AMZ1: variants seen among roughly 807,000 people sequenced by gnomAD.
AMZ1 encodes archaemetzincin-1.
In AMZ1, 39 loss-of-function variants were observed where a neutral mutation model predicts 29.9. The observed-to-expected ratio is 1.30, with a 90% CI of 1.01 to 1.70. AMZ1 has a LOEUF of 1.70. Ranked by LOEUF, AMZ1 falls within the 40% of genes most tolerant of loss-of-function variation. The pLI, the probability that AMZ1 is intolerant of heterozygous loss-of-function variation, is 0.00. For synonymous variants in AMZ1, 458 were observed against 304.0 expected (o/e 1.51, Z -5.27); for missense variants, 1,041 against 680.6 (o/e 1.53, Z -5.89).
intron 1 of AMZ1, among the ~76,000 whole-genome samples, chr7:2,690,540 G>A (rs1205607394): frequency 3.3e-5 from 5 of 152,158 alleles, no homozygotes; most frequent in East Asian, 3.8e-4. Flanking sequence ...TGGAGCTGGC[G>A]TGGCCACTCC....
chr7:2,730,956 C>T (rs1167918217), intron 4 of AMZ1: 2 of 526,718 alleles, frequency 3.8e-6, no homozygotes, highest in East Asian at 5.9e-5. Flanking sequence ...CTCGGATTTT[C>T]AGTAGTTTCA....
At chr7:2,708,411 T>A (rs1404757467) in intron 3 of AMZ1, among the ~76,000 whole-genome samples, 177 bp from the exon 4 acceptor site, 4 of 152,154 alleles carry the variant, frequency 2.6e-5, no homozygotes, top group Non-Finnish European at 5.9e-5. Context: ...TGGCTGTCAC[T>A]CCACATCATG....
At position 2,751,964 on chromosome 7, in the gene AMZ1, A is replaced by T. The variant is rs147773492; in HGVS notation, n.551-12748A>T. On this transcript the variant is annotated intron_variant and non_coding_transcript_variant, in intron 4 of 4. Transcript: ENST00000489665. ...ACTAACGAACGTGAACTTTTTCAGAAAATCAAAGAGGAAGAAATAATTTCC... is the reference window on the plus strand; with the variant it reads ...ACTAACGAACGTGAACTTTTTCAGATAATCAAAGAGGAAGAAATAATTTCC... Among the ~76,000 whole-genome samples, 968 of 152,328 alleles carry T rather than the reference A, an allele frequency of 6.4e-3. 6 individuals carry two copies. Among genetic ancestry groups the T allele is most frequent in the African/African-American group, 0.022 (929 of 41,568 alleles).
intron 4 of AMZ1, among the ~76,000 whole-genome samples, chr7:2,727,926 G>A (rs1211370684): frequency 4.6e-5 from 7 of 151,094 alleles, no homozygotes; most frequent in South Asian, 2.1e-4. Flanking sequence ...GTGTGGTGGC[G>A]GGCGCCTGTA....
At position 2,737,434 on chromosome 7, in the gene AMZ1, G is replaced by A. The variant is rs150183093; in HGVS notation, n.551-27278G>A. ...CTACAGAGTAGTTGGGACTACAGGCGTGCACTACCACACCCGGCTAACTTT... is the reference window on the plus strand; with the variant it reads ...CTACAGAGTAGTTGGGACTACAGGCATGCACTACCACACCCGGCTAACTTT... On this transcript the variant is annotated intron_variant and non_coding_transcript_variant, in intron 4 of 4. Transcript: ENST00000489665. Among the ~76,000 whole-genome samples the A allele has an allele frequency of 4.8e-3, 726 of 151,912 alleles. 7 individuals carry two copies. Among genetic ancestry groups the A allele is most frequent in the African/African-American group, 0.016 (674 of 41,408 alleles).
In AMZ1 at chr7:2,700,346, C is replaced by A; in HGVS notation, c.-106C>A. ...CTGCAGGGAGCCCCCGGTAGCCACT[C>A]GGATCAGCCCGAGGGAAGATTCTGG... is the stretch of plus-strand genomic sequence containing the variant. On this transcript the variant is annotated 5_prime_UTR_variant, in exon 2 of 7. An upstream open reading frame in the 5' UTR gains an earlier in-frame stop. Coordinates refer to ENST00000683327, the MANE Select transcript of AMZ1 (RefSeq NM_001384743.1). 7.4e-7 allele frequency: 1 copy of A among 1,352,592 alleles called. No homozygotes were observed. The highest frequency in any genetic ancestry group is 9.9e-7 in the Non-Finnish European group (1 of 1,006,120). The allele number at this position is 1,352,592 out of a possible 1,614,324, so 83.8% of individuals were successfully genotyped here. A position where few individuals can be genotyped will look rare whatever the true frequency, so the allele number is the denominator to read the frequency against.
downstream of AMZ1, among the ~76,000 whole-genome samples, chr7:2,723,779 C>A (rs985578298): frequency 3.3e-5 from 5 of 152,236 alleles, no homozygotes; most frequent in African/African-American, 4.8e-5. Flanking sequence ...ACTCCCTCTG[C>A]GCCTGGAGCT....
At chr7:2,744,628 G>A (rs1400416324) in intron 4 of AMZ1, among the ~76,000 whole-genome samples, 1 of 152,162 alleles carries the variant, frequency 6.6e-6, no homozygotes, top group African/African-American at 2.4e-5. Flanking sequence ...TCCTCCAAAG[G>A]AACGCAGCTC....
At chr7:2,720,879 A>T (rs937397122), downstream of AMZ1, among the ~76,000 whole-genome samples, 1 of 151,640 alleles carries the variant, frequency 6.6e-6, no homozygotes, top group African/African-American at 2.4e-5. Flanking sequence ...GGTTTCAGCC[A>T]CGTTGCCCAG....
intron 4 of AMZ1, among the ~76,000 whole-genome samples, chr7:2,736,100 A>T (rs1188845841): frequency 6.6e-6 from 1 of 152,204 alleles, no homozygotes; most frequent in Non-Finnish European, 1.5e-5. Context: ...TAAAAGGGCC[A>T]GGTTTACAAT....
intron 1 of AMZ1, among the ~76,000 whole-genome samples, chr7:2,693,238 G>A (rs1024452820): frequency 7.2e-5 from 11 of 152,050 alleles, no homozygotes; most frequent in African/African-American, 1.9e-4. Context: ...ACAGGCATGC[G>A]CCACCACGCC....
At chr7:2,729,961 C>CGAGA (rs1176078702) in intron 4 of AMZ1, 2 of 152,348 alleles carry the variant, frequency 1.3e-5, no homozygotes, top group Admixed American at 1.3e-4. Context: ...CAGCGGCATC[C>CGAGA]GAGAGTGTTT....
upstream of AMZ1, chr7:2,762,440 G>C: frequency 2.0e-6 from 1 of 505,652 alleles, no homozygotes; most frequent in Non-Finnish European, 3.5e-6. Flanking sequence ...GGGCAAAAAC[G>C]CTACTTAACT....
At chr7:2,730,708 T>C (rs995311831) in intron 4 of AMZ1, 6 of 159,482 alleles carry the variant, frequency 3.8e-5, no homozygotes, top group Admixed American at 6.0e-5. Context: ...ACTGGATCTC[T>C]ACAAGCTACT....
intron 1 of AMZ1, among the ~76,000 whole-genome samples, chr7:2,696,451 G>A (rs560545578): frequency 1.3e-5 from 2 of 150,720 alleles, no homozygotes; most frequent in Admixed American, 1.3e-4. Context: ...TAGAGACGGG[G>A]TTTCACCATG....
Position 2,731,274 on chromosome 7 carries a change from G to T in AMZ1, n.550+21458G>T. ...GGACGTTCTCGGTGTCGATGGCGGT[G>T]GTGAAGTGGTGGAAGAGTGGCTTGC... is the stretch of plus-strand genomic sequence containing the variant. On this transcript the variant is annotated intron_variant and non_coding_transcript_variant, in intron 4 of 4. Coordinates refer to the AMZ1 transcript ENST00000489665. The surrounding 1 kb of genome is among the most constrained non-coding windows in gnomAD (Gnocchi z 6.0). The T allele has an allele frequency of 6.2e-7, 1 of 1,613,424 alleles. No individual in the cohort carries two copies. The highest frequency in any genetic ancestry group is 1.1e-5 in the South Asian group (1 of 90,968).
chr7:2,720,654 G>A (rs1789379873), downstream of AMZ1, among the ~76,000 whole-genome samples: 1 of 151,844 alleles, frequency 6.6e-6, no homozygotes, highest in South Asian at 2.1e-4. Context: ...AAACACCGAA[G>A]TCTCCCAAAA....
At chr7:2,755,391 C>T (rs999656393) in intron 4 of AMZ1, among the ~76,000 whole-genome samples, 11 of 152,226 alleles carry the variant, frequency 7.2e-5, no homozygotes, top group Admixed American at 5.9e-4. Context: ...GAACACGGCA[C>T]ATCCCTCCAT....
intron 6 of AMZ1, among the ~76,000 whole-genome samples, chr7:2,710,775 G>A (rs1369451616): frequency 1.3e-5 from 2 of 152,228 alleles, no homozygotes; most frequent in East Asian, 3.8e-4. Context: ...GACTTGGGGG[G>A]AACCCAGGCG....
Sources: gnomAD v4.1 joint callset for allele counts (sites outside exome capture counted in the v4.1 genomes callset) on GRCh38, gnomAD v4.1.1 for gene constraint, Gnocchi (gnomAD v3.1) non-coding constraint, MANE v1.5 for transcripts, NCBI Gene and HGNC (gene_info 2026-07-23, HGNC 2026-07-21) for gene names.